Variants in OGA observed in about 807,000 individuals in gnomAD.
OGA encodes protein O-GlcNAcase.
In OGA, 21 loss-of-function variants were observed where a neutral mutation model predicts 102.0. The ratio of observed to expected loss-of-function variants is 0.21; its 90% CI spans 0.15 to 0.30. The LOEUF is 0.30. Ranked by LOEUF, OGA falls within the 10% of genes least tolerant of loss-of-function variation. The pLI is 1.00. For synonymous variants in OGA, 408 were observed against 378.2 expected (o/e 1.08, Z -0.91); for missense variants, 765 against 1,107.8 (o/e 0.69, Z 4.39).
intron 6 of OGA, among the ~76,000 whole-genome samples, chr10:101,805,526 G>C (rs2065457558): frequency 1.3e-5 from 2 of 151,840 alleles, no homozygotes; most frequent in African/African-American, 4.8e-5. Flanking sequence ...GTGGTGGCGT[G>C]TGCCTGTAAT....
chr10:101,806,645 C>T (rs2065478544), intron 5 of OGA, among the ~76,000 whole-genome samples: 1 of 152,210 alleles, frequency 6.6e-6, no homozygotes, highest in Non-Finnish European at 1.5e-5. Context: ...ACTACAGTTA[C>T]TAGAAATACA....
intron 10 of OGA, chr10:101,795,987 A>G: frequency 1.5e-6 from 1 of 662,542 alleles, no homozygotes. Flanking sequence ...AAGAGAAAGA[A>G]ACAATACTGT....
chr10:101,797,835 A>G, intron 10 of OGA, 145 bp downstream of exon 10: 1 of 733,578 alleles, frequency 1.4e-6, no homozygotes. Context: ...GTCTTCAATA[A>G]TGCCTATTTT....
intron 9 of OGA, 23 bp downstream of exon 9, chr10:101,798,819 G>A: frequency 6.3e-7 from 1 of 1,596,012 alleles, no homozygotes; most frequent in African/African-American, 1.3e-5. Context: ...GGCTTCAGCA[G>A]CAGGTACATT....
chr10:101,801,495 G>T (rs899509369), intron 7 of OGA, among the ~76,000 whole-genome samples: 1 of 151,894 alleles, frequency 6.6e-6, no homozygotes, highest in South Asian at 2.1e-4. Flanking sequence ...AATTAAGTCT[G>T]AATTTTTTGA....
At chr10:101,800,921 C>T (rs2065383447) in intron 7 of OGA, among the ~76,000 whole-genome samples, 1 of 151,950 alleles carries the variant, frequency 6.6e-6, no homozygotes, top group African/African-American at 2.4e-5. Context: ...ACTACAGGCG[C>T]ATGCCACCAT....
chr10:101,798,176 A>C, intron 9 of OGA, 22 bp from the exon 10 acceptor site: 1 of 1,606,764 alleles, frequency 6.2e-7, no homozygotes, highest in Non-Finnish European at 8.5e-7. Context: ...CAATAAAAAG[A>C]CTCAAAAAAC....
chr10:101,789,901 C>T (rs2065236814), intron 14 of OGA, among the ~76,000 whole-genome samples: 1 of 152,184 alleles, frequency 6.6e-6, no homozygotes, highest in Non-Finnish European at 1.5e-5. Context: ...ATAACTTGAG[C>T]CTGGGAGGTC....
Position 101,798,065 on chromosome 10 carries a change from G to A in OGA, c.1899C>T (p.Asn633=). 3.1e-6 allele frequency: 5 copies of A among 1,613,588 alleles called. No homozygotes were observed. Among genetic ancestry groups the A allele is most frequent in the Non-Finnish European group, 4.2e-6 (5 of 1,179,572 alleles). The change falls in exon 10 of 16, where the codon AAC becomes AAT. Residue 633 remains asparagine (N), a synonymous_variant. Transcript: ENST00000361464. ...AGTACATGTCATAAAGAATTGTCCT[G>A]TTGGCACAATTGGAGAGCCGAGTGA... The part of the protein sequence containing the change: ...GMFTRLSNCA[N]RTILYDMYSY...
In OGA at chr10:101,799,459, C is replaced by G; in HGVS notation, c.1196-4G>C. The G allele has an allele frequency of 6.2e-7, 1 of 1,601,080 alleles. No homozygotes were observed. Among genetic ancestry groups the G allele is most frequent in the Non-Finnish European group, 8.5e-7 (1 of 1,173,300 alleles). ...CCACTGTGTGCAACTTGCCTACCTA[C>G]AAAAATAAATAAATGTATAAATAAA... On this transcript the variant is annotated splice_polypyrimidine_tract_variant and splice_region_variant and intron_variant, in intron 8 of 15. Transcript: ENST00000361464.
chr10:101,809,996 AG>A (rs753256807), intron 4 of OGA, among the ~76,000 whole-genome samples, 187 bp downstream of exon 4: 4 of 152,194 alleles, frequency 2.6e-5, no homozygotes, highest in Non-Finnish European at 5.9e-5. Context: ...CAGTGAGCCG[AG>A]ATTGTGCCAC....
intron 10 of OGA, chr10:101,795,941 C>T (rs892279427): frequency 2.1e-6 from 2 of 974,602 alleles, no homozygotes; most frequent in African/African-American, 3.5e-5. Flanking sequence ...TGGAAAGCTA[C>T]CACCATAAAT....
chr10:101,803,360 T>C (rs972956248), intron 7 of OGA, among the ~76,000 whole-genome samples: 1 of 151,838 alleles, frequency 6.6e-6, no homozygotes, highest in African/African-American at 2.4e-5. Context: ...TTATTTTTAT[T>C]TATTTCATAG....
At chr10:101,804,531 C>T (rs995822682) in intron 6 of OGA, among the ~76,000 whole-genome samples, 3 of 152,094 alleles carry the variant, frequency 2.0e-5, no homozygotes, top group African/African-American at 7.2e-5. Flanking sequence ...CCTCGGCCTC[C>T]CAAAGTGCTG....
intron 14 of OGA, 68 bp from the exon 15 acceptor site, chr10:101,787,591 C>A (rs1395656062): frequency 5.3e-6 from 7 of 1,322,832 alleles, no homozygotes; most frequent in Admixed American, 1.9e-5. Context: ...AACTACAGAA[C>A]TTAGCAACAA....
At chr10:101,792,185 A>AT (rs921409948) in intron 12 of OGA, among the ~76,000 whole-genome samples, 2 of 151,434 alleles carry the variant, frequency 1.3e-5, no homozygotes, top group African/African-American at 4.9e-5. Flanking sequence ...CACCCAGCTA[A>AT]TTTTTTTTGT....
intron 11 of OGA, 177 bp downstream of exon 11, chr10:101,793,735 TC>T (rs2065284875): frequency 1.9e-6 from 1 of 534,602 alleles, no homozygotes; most frequent in African/African-American, 1.9e-5. Context: ...AGCATCTCCT[TC>T]AGAAATTACT....
intron 5 of OGA, among the ~76,000 whole-genome samples, chr10:101,807,328 G>C (rs2065489665): frequency 6.6e-6 from 1 of 152,154 alleles, no homozygotes; most frequent in Non-Finnish European, 1.5e-5. Context: ...CTTGAAATAA[G>C]AGCCCAGATG....
intron 14 of OGA, among the ~76,000 whole-genome samples, chr10:101,789,335 T>G (rs1410506013): frequency 6.6e-6 from 1 of 151,712 alleles, no homozygotes; most frequent in Non-Finnish European, 1.5e-5. Context: ...CCCGTCTCTA[T>G]TAAAAATATA....
Sources: gnomAD v4.1 joint callset for allele counts (sites outside exome capture counted in the v4.1 genomes callset) on GRCh38, gnomAD v4.1.1 for gene constraint, MANE v1.5 for transcripts, NCBI Gene and HGNC (gene_info 2026-07-23, HGNC 2026-07-21) for gene names.